The following CCDC171 variants were observed in gnomAD, a reference collection of about 807,000 sequenced individuals.
CCDC171 encodes the protein coiled-coil domain-containing protein 171.
CCDC171 carries 177 observed loss-of-function variants against 168.2 expected under a neutral mutation model. The ratio of observed to expected loss-of-function variants is 1.05; its 90% CI spans 0.93 to 1.19. The LOEUF (loss-of-function observed/expected upper bound fraction) is 1.19. Among genes scored for constraint, CCDC171 ranks in the 50% most tolerant of loss-of-function variants. The pLI, the probability that CCDC171 is intolerant of heterozygous loss-of-function variation, is 0.00. For synonymous variants in CCDC171, 687 were observed against 540.8 expected, an observed-to-expected ratio of 1.27 and a Z score of -3.75; for missense variants, 1,991 against 1,539.0, an observed-to-expected ratio of 1.29 and a Z score of -4.91.
the CCDC171 span, among the ~76,000 whole-genome samples, chr9:16,087,292 TTTCTGTCTCGTTG>T: frequency 1.3e-5 from 2 of 152,108 alleles, no homozygotes; most frequent in African/African-American, 4.8e-5. Flanking sequence ...CCTTGTTAAT[TTTCTGTCTCGTTG>T]TTCTGTCTAA....
intron 3 of CCDC171, among the ~76,000 whole-genome samples, chr9:16,006,676 G>A (rs909516226): frequency 1.3e-5 from 2 of 151,322 alleles, no homozygotes; most frequent in Non-Finnish European, 2.9e-5. Context: ...GTGAGAACAT[G>A]CAGTGTTTGG....
intron 25 of CCDC171, among the ~76,000 whole-genome samples, chr9:15,965,698 T>TACTCA (rs35172383): frequency 2.3e-4 from 1 of 4,290 alleles, no homozygotes; most frequent in Non-Finnish European, 5.7e-4. Context: ...GAAGGGAAGA[T>TACTCA]ATGCTACACA....
intron 20 of CCDC171, among the ~76,000 whole-genome samples, chr9:15,779,447 C>T (rs980563528): frequency 1.3e-5 from 2 of 152,018 alleles, no homozygotes; most frequent in African/African-American, 4.8e-5. Context: ...GCAACCTCTG[C>T]CCCCCGGGTT....
At chr9:16,050,160 T>G (rs1344200492) in intron 1 of CCDC171, among the ~76,000 whole-genome samples, 1 of 152,078 alleles carries the variant, frequency 6.6e-6, no homozygotes, top group Non-Finnish European at 1.5e-5. Context: ...GTGCTGGGAT[T>G]ACAGGCATGA....
intron 7 of CCDC171, 89 bp downstream of exon 7, chr9:15,623,502 C>A (rs184896219): frequency 1.4e-6 from 1 of 693,500 alleles, no homozygotes. Flanking sequence ...CACACACACA[C>A]ACACATAAAA....
intron 3 of CCDC171, among the ~76,000 whole-genome samples, chr9:15,995,753 T>A (rs1368350266): frequency 6.6e-6 from 1 of 152,240 alleles, no homozygotes; most frequent in African/African-American, 2.4e-5. Flanking sequence ...TAACACTGTG[T>A]GTTTTCTTAA....
At chr9:15,647,998 A>T (rs552204409) in intron 7 of CCDC171, among the ~76,000 whole-genome samples, 1 of 152,218 alleles carries the variant, frequency 6.6e-6, no homozygotes, top group East Asian at 1.9e-4. Flanking sequence ...AAAATCCTCA[A>T]TAAAATACTG....
At chr9:15,688,759 A>G (rs1378486410) in intron 10 of CCDC171, among the ~76,000 whole-genome samples, 3 of 152,202 alleles carry the variant, frequency 2.0e-5, no homozygotes, top group Admixed American at 1.3e-4. Context: ...ATTTAATGGT[A>G]AAAGACTGAA....
rs535489414 is a variant in CCDC171, at chr9:15,993,550, T to TA, written n.369-27035dup. Among the ~76,000 whole-genome samples, 13 of 152,246 alleles carry TA rather than the reference T, an allele frequency of 8.5e-5. No individual in the cohort carries two copies. The South Asian group carries it at 2.7e-3, about 32-fold the overall frequency. Reference sequence around the variant, plus strand: ...TAGGCATGGGCAAGGACTTCATGTCTAAAACACCAAAAGCAATGGCAACAA... The same window carrying TA: ...TAGGCATGGGCAAGGACTTCATGTCTAAAAACACCAAAAGCAATGGCAACAA... On this transcript the variant is annotated intron_variant and non_coding_transcript_variant, in intron 3 of 9. Transcript: ENST00000486641.
chr9:15,658,372 T>C (rs2048088277), intron 8 of CCDC171, among the ~76,000 whole-genome samples: 1 of 151,576 alleles, frequency 6.6e-6, no homozygotes, highest in Admixed American at 6.6e-5. Context: ...AGGAAGGGAG[T>C]GAAGATAGGA....
chr9:16,065,809 G>GGTGTGCATGGTGTGTGTGTGTGTGT (rs373145926), downstream of CCDC171, among the ~76,000 whole-genome samples: 3 of 144,234 alleles, frequency 2.1e-5, no homozygotes, highest in African/African-American at 7.9e-5. Context: ...TTGTGTGCAT[G>GGTGTGCATGGTGTGTGTGTGTGTGT]GTGTGTGTGT....
intron 6 of CCDC171, among the ~76,000 whole-genome samples, chr9:15,594,456 A>G (rs547277309): frequency 6.6e-6 from 1 of 152,254 alleles, no homozygotes; most frequent in African/African-American, 2.4e-5. Context: ...TTTGAGACTA[A>G]TAGCTGTTTT....
At chr9:15,585,272 C>T (rs1325657710) in intron 4 of CCDC171, among the ~76,000 whole-genome samples, 2 of 151,834 alleles carry the variant, frequency 1.3e-5, no homozygotes, top group Non-Finnish European at 2.9e-5. Flanking sequence ...AAACTTTTGT[C>T]CAAAAAAGAC....
At chr9:15,664,694 GTTT>G (rs71325927) in intron 8 of CCDC171, among the ~76,000 whole-genome samples, 3 of 99,516 alleles carry the variant, frequency 3.0e-5, no homozygotes, top group Non-Finnish European at 2.0e-5. Flanking sequence ...ATATAGTTTT[GTTT>G]TTTTTTTTTT....
rs768144600 is a variant in CCDC171 at position 15,678,839 on chromosome 9, A to G, written c.1158A>G (p.Ser386=). The change falls in exon 10 of 26, where the codon TCA becomes TCG. Residue 386 remains serine (S), a synonymous_variant. Transcript: ENST00000380701. ...AGAAGAAAGTAATTATAGACCTTTC[A>G]AAGAGACTCCAGTATAATGAAAAAA... ...EEQKKVIIDL[S]KRLQYNEKSC... is the part of the protein sequence containing the mutation. The G allele has an allele frequency of 3.1e-6, 5 of 1,598,684 alleles. No individual in the cohort carries two copies. The highest frequency in any genetic ancestry group is 2.3e-5 in the South Asian group (2 of 87,298).
intron 18 of CCDC171, among the ~76,000 whole-genome samples, chr9:15,767,121 T>C (rs576109177): frequency 6.6e-6 from 1 of 152,286 alleles, no homozygotes; most frequent in South Asian, 2.1e-4. Context: ...ACATATCAGG[T>C]TCCTGTTATT....
intron 6 of CCDC171, among the ~76,000 whole-genome samples, chr9:16,031,329 T>G (rs1833361144): frequency 6.6e-6 from 1 of 152,174 alleles, no homozygotes; most frequent in African/African-American, 2.4e-5. Flanking sequence ...GCATAGGAAA[T>G]TTTTAGTGAC....
chr9:15,962,459 T>C (rs1465679039), intron 25 of CCDC171, among the ~76,000 whole-genome samples: 1 of 152,242 alleles, frequency 6.6e-6, no homozygotes, highest in Non-Finnish European at 1.5e-5. Flanking sequence ...TGCCCAATTA[T>C]AGATCCAATG....
At chr9:15,836,106 T>C (rs2060436268) in intron 21 of CCDC171, among the ~76,000 whole-genome samples, 1 of 152,200 alleles carries the variant, frequency 6.6e-6, no homozygotes, top group African/African-American at 2.4e-5. Context: ...TTTTCTAAAG[T>C]ATCTCCTGAT....
Sources: allele counts gnomAD v4.1 joint callset (sites outside exome capture counted in the v4.1 genomes callset), GRCh38; gene constraint gnomAD v4.1.1; transcripts MANE v1.5; gene names NCBI Gene and HGNC (gene_info 2026-07-23, HGNC 2026-07-21).